The following KIRREL3 variants were observed in gnomAD, a reference collection of about 807,000 sequenced individuals.
KIRREL3 encodes the protein kirre like nephrin family adhesion molecule 3, also known as kin of IRRE-like protein 3.
In KIRREL3, 36 loss-of-function variants were observed where a neutral mutation model predicts 89.7. The ratio of observed to expected loss-of-function variants is 0.40; its 90% confidence interval spans 0.31 to 0.53. The LOEUF (loss-of-function observed/expected upper bound fraction) is 0.53, where lower values mean the gene tolerates loss of function less well. Among genes scored for constraint, KIRREL3 ranks in the 20% least tolerant of loss-of-function variants. The probability of loss-of-function intolerance (pLI) is 0.49; values close to 1 mark genes in which losing one functional copy is unlikely to be tolerated. For synonymous variants in KIRREL3, 445 were observed against 441.4 expected, an observed-to-expected ratio of 1.01 and a Z score of -0.10; for missense variants, 864 against 1,056.6, an observed-to-expected ratio of 0.82 and a Z score of 2.53.
chr11:126,539,367 G>C (rs974322028), intron 2 of KIRREL3, among the ~76,000 whole-genome samples: 1 of 152,274 alleles, frequency 6.6e-6, no homozygotes, highest in South Asian at 2.1e-4. Flanking sequence ...GTGCCAAGAA[G>C]TTTGTACTTC....
At position 126,498,218 on chromosome 11, in the gene KIRREL3, G is replaced by A. The variant is rs900808256; in HGVS notation, c.433+23097C>T. Reference sequence around the variant, plus strand: ...ACCCGAGGAGGGGAAGAGAGGGGTAGCACAAAAGAGGATTTACTTTCTTCC... The same window carrying A: ...ACCCGAGGAGGGGAAGAGAGGGGTAACACAAAAGAGGATTTACTTTCTTCC... On this transcript the variant is annotated intron_variant, in intron 4 of 16. Transcript: ENST00000525144. The surrounding 1 kb of genome is among the most constrained non-coding windows in gnomAD (Gnocchi z 4.3). 1.3e-5 allele frequency among the ~76,000 whole-genome samples: 2 copies of A among 152,200 alleles called. No homozygotes were observed. The highest frequency in any genetic ancestry group is 2.9e-5 in the Non-Finnish European group (2 of 68,028).
Position 126,708,869 on chromosome 11 carries a change from C to A in KIRREL3, c.56-145957G>T, listed in dbSNP as rs1370023893. Among the ~76,000 whole-genome samples, 1 of 152,192 alleles carries A rather than the reference C, an allele frequency of 6.6e-6. No homozygotes were observed. Among genetic ancestry groups the A allele is most frequent in the African/African-American group, 2.4e-5 (1 of 41,452 alleles). ...AGCTGTGATCTCTCCCTTCCTTTTTCATTCTCCTCTCCTCATATCCAAACT... is the reference window on the plus strand; with the variant it reads ...AGCTGTGATCTCTCCCTTCCTTTTTAATTCTCCTCTCCTCATATCCAAACT... On this transcript the variant is annotated intron_variant, in intron 1 of 16. Transcript: ENST00000525144. The surrounding 1 kb of genome is among the most constrained non-coding windows in gnomAD (Gnocchi z 5.7).
At chr11:126,899,416 T>C (rs1244566031) in intron 1 of KIRREL3, among the ~76,000 whole-genome samples, 1 of 152,190 alleles carries the variant, frequency 6.6e-6, no homozygotes, top group Admixed American at 6.5e-5. Flanking sequence ...AGAAAAGAAG[T>C]GTCACCTATC....
At chr11:126,646,477 T>G (rs1439524411) in intron 1 of KIRREL3, among the ~76,000 whole-genome samples, 1 of 149,906 alleles carries the variant, frequency 6.7e-6, no homozygotes, top group Non-Finnish European at 1.5e-5. Flanking sequence ...CCAAGTATTT[T>G]TTTTTTTTTT....
intron 10 of KIRREL3, among the ~76,000 whole-genome samples, chr11:126,442,344 ACACACAC>A (rs1565454355): frequency 2.3e-4 from 32 of 142,166 alleles, no homozygotes; most frequent in African/African-American, 5.3e-4. Context: ...ACACACACAC[ACACACAC>A]ACAAAACCTT....
intron 1 of KIRREL3, among the ~76,000 whole-genome samples, chr11:126,590,224 A>G (rs760217763): frequency 6.6e-6 from 1 of 152,148 alleles, no homozygotes; most frequent in Non-Finnish European, 1.5e-5. Context: ...ATTGATTTCT[A>G]GAACTGAACC....
At chr11:126,514,042 G>A (rs1486814107) in intron 4 of KIRREL3, among the ~76,000 whole-genome samples, 1 of 152,138 alleles carries the variant, frequency 6.6e-6, no homozygotes, top group Non-Finnish European at 1.5e-5. Flanking sequence ...GAAAGAGGAG[G>A]GGAATCTGCT....
chr11:126,825,046 T>G (rs755206784), intron 1 of KIRREL3, among the ~76,000 whole-genome samples: 1 of 152,220 alleles, frequency 6.6e-6, no homozygotes, highest in Admixed American at 6.5e-5. Context: ...GTTTGAATTT[T>G]CCCTTTGGCT....
intron 1 of KIRREL3, among the ~76,000 whole-genome samples, chr11:126,961,624 T>C (rs1761028200): frequency 6.6e-6 from 1 of 152,242 alleles, no homozygotes; most frequent in South Asian, 2.1e-4. Flanking sequence ...GGTGAAGCAG[T>C]AAGTGCTGAT....
intron 5 of KIRREL3, among the ~76,000 whole-genome samples, chr11:126,466,052 C>T (rs1418037438): frequency 6.6e-6 from 1 of 152,126 alleles, no homozygotes; most frequent in Admixed American, 6.5e-5. Context: ...AACGGATGGG[C>T]TCTGGGCGGT....
intron 1 of KIRREL3, among the ~76,000 whole-genome samples, chr11:126,659,941 T>A (rs981359136): frequency 6.6e-6 from 1 of 152,218 alleles, no homozygotes; most frequent in African/African-American, 2.4e-5. Flanking sequence ...GGTGGCCTGG[T>A]GCTTATTGTA....
At chr11:126,672,383 G>T (rs1732573474) in intron 1 of KIRREL3, among the ~76,000 whole-genome samples, 2 of 152,036 alleles carry the variant, frequency 1.3e-5, no homozygotes, top group Non-Finnish European at 2.9e-5. Context: ...CCATATAGTG[G>T]GATACTATTC....
rs1243821439 is a variant in KIRREL3, at chr11:126,999,551, G to A, written c.55+904C>T. ...GGCACAAATGCAGCCTCAGATGGCAGAGGTGCATTGGCATTCCAAAAGAGC... is the reference window on the plus strand; with the variant it reads ...GGCACAAATGCAGCCTCAGATGGCAAAGGTGCATTGGCATTCCAAAAGAGC... On this transcript the variant is annotated intron_variant, in intron 1 of 16. Coordinates refer to ENST00000525144, the MANE Select transcript of KIRREL3 (RefSeq NM_032531.4). This position sits in a 1 kb window ranked among gnomAD's most constrained non-coding sequence, Gnocchi z 5.7. Among the ~76,000 whole-genome samples, 1 of 152,262 alleles carries A rather than the reference G, an allele frequency of 6.6e-6. No homozygotes were observed. The highest frequency in any genetic ancestry group is 1.5e-5 in the Non-Finnish European group (1 of 68,050).
chr11:126,877,766 T>G lies in KIRREL3; in HGVS notation c.55+122689A>C, dbSNP rs1434066562. On this transcript the variant is annotated intron_variant, in intron 1 of 16. Coordinates refer to ENST00000525144, the MANE Select transcript of KIRREL3 (RefSeq NM_032531.4). The surrounding 1 kb of genome is among the most constrained non-coding windows in gnomAD (Gnocchi z 4.9). ...AGGATGGTGTATAAAAATACAGGCA[T>G]GACAGGAACAATGTAACAGAGAAAG... 2.6e-5 allele frequency among the ~76,000 whole-genome samples: 4 copies of G among 152,168 alleles called. No homozygotes were observed. Among genetic ancestry groups the G allele is most frequent in the Non-Finnish European group, 5.9e-5 (4 of 68,028 alleles).
chr11:126,928,673 C>A (rs1412889920), intron 1 of KIRREL3, among the ~76,000 whole-genome samples: 2 of 152,152 alleles, frequency 1.3e-5, no homozygotes, highest in Admixed American at 1.3e-4. Context: ...CCCTCACCAG[C>A]ATGACTGGGT....
In KIRREL3 at chr11:126,789,250, G is replaced by A. The variant is rs1033408662; in HGVS notation, c.55+211205C>T. The stretch of plus-strand genomic sequence containing the variant: ...AAATTTAGTATTTCTCATGACCAAA[G>A]CCAACCCTTGCCACGTGCAGTGCCC... On this transcript the variant is annotated intron_variant, in intron 1 of 16. Transcript: ENST00000525144. Among the ~76,000 whole-genome samples, 3 of 152,026 alleles carry A rather than the reference G, an allele frequency of 2.0e-5. No individual in the cohort carries two copies. The South Asian group carries it at 6.2e-4, about 32-fold the overall frequency.
Position 126,898,428 on chromosome 11 carries a change from G to A in KIRREL3, c.55+102027C>T, listed in dbSNP as rs1208961873. Among the ~76,000 whole-genome samples, 1 of 152,118 alleles carries A rather than the reference G, an allele frequency of 6.6e-6. No individual in the cohort carries two copies. Among genetic ancestry groups the A allele is most frequent in the East Asian group, 1.9e-4 (1 of 5,192 alleles). On this transcript the variant is annotated intron_variant, in intron 1 of 16. Coordinates refer to ENST00000525144, the MANE Select transcript of KIRREL3 (RefSeq NM_032531.4). This position sits in a 1 kb window ranked among gnomAD's most constrained non-coding sequence, Gnocchi z 4.9. The stretch of plus-strand genomic sequence containing the variant: ...AGTATTGTGTGGTGGTATGAATGCT[G>A]GATTCTCACACAGTGGGAAATTAGA...
chr11:126,489,200 G>A lies in KIRREL3; in HGVS notation c.434-15734C>T, dbSNP rs966146851. 1.3e-5 allele frequency among the ~76,000 whole-genome samples: 2 copies of A among 152,078 alleles called. No individual in the cohort carries two copies. Among genetic ancestry groups the A allele is most frequent in the Admixed American group, 6.5e-5 (1 of 15,268 alleles). On this transcript the variant is annotated intron_variant, in intron 4 of 16. Transcript: ENST00000525144. This position sits in a 1 kb window ranked among gnomAD's most constrained non-coding sequence, Gnocchi z 5.5. ...TGCGCTGCGTTTGCGGTGGAGAGCC[G>A]GCTGCATGGGAATCACTGCTGGCTG...
intron 1 of KIRREL3, among the ~76,000 whole-genome samples, chr11:126,861,734 C>CAAAA (rs987297674): frequency 6.6e-6 from 1 of 152,084 alleles, no homozygotes; most frequent in East Asian, 1.9e-4. Flanking sequence ...ATCTGGCAGT[C>CAAAA]AAAAAAATCT....
Sources: gnomAD v4.1 joint callset for allele counts (sites outside exome capture counted in the v4.1 genomes callset) on GRCh38, gnomAD v4.1.1 for gene constraint, Gnocchi (gnomAD v3.1) non-coding constraint, MANE v1.5 for transcripts, NCBI Gene and HGNC (gene_info 2026-07-23, HGNC 2026-07-21) for gene names.